The following C6orf89 variants were observed in gnomAD, a reference collection of about 807,000 sequenced individuals.
The protein encoded by C6orf89 is chromosome 6 open reading frame 89.
In C6orf89, 29 loss-of-function variants were observed where a neutral mutation model predicts 40.7. The ratio of observed to expected loss-of-function variants is 0.71; its 90% CI spans 0.53 to 0.97. The LOEUF (loss-of-function observed/expected upper bound fraction) is 0.97. C6orf89 is among the 50% of genes least tolerant of loss of function. C6orf89 has a pLI of 0.00. For missense variants in C6orf89, 392 were observed against 429.1 expected (o/e 0.91, Z 0.76); for synonymous variants, 165 against 152.2 (o/e 1.08, Z -0.62).
At chr6:36,908,283 C>T (rs901895333) in intron 4 of C6orf89, among the ~76,000 whole-genome samples, 1 of 144,520 alleles carries the variant, frequency 6.9e-6, no homozygotes, top group South Asian at 2.3e-4. Flanking sequence ...GCCTGGCCAC[C>T]TCTGCTCCTG....
chr6:36,916,712 C>G, intron 7 of C6orf89, 138 bp downstream of exon 7: 3 of 1,033,946 alleles, frequency 2.9e-6, no homozygotes, highest in East Asian at 2.6e-5. Flanking sequence ...CAGTCTAGTT[C>G]TCCCCTCCTG....
intron 3 of C6orf89, among the ~76,000 whole-genome samples, chr6:36,901,645 T>TTAG (rs1275608335): frequency 1.4e-5 from 2 of 140,198 alleles, no homozygotes; most frequent in East Asian, 4.4e-4. Flanking sequence ...CCTTTGTGTA[T>TTAG]TATTATTATT....
intron 4 of C6orf89, among the ~76,000 whole-genome samples, chr6:36,903,811 G>A (rs377263575): frequency 4.6e-5 from 7 of 152,188 alleles, no homozygotes; most frequent in African/African-American, 1.7e-4. Flanking sequence ...ATCAGAGGAA[G>A]GGAACATTGT....
At chr6:36,904,188 A>G (rs1761839362) in intron 4 of C6orf89, among the ~76,000 whole-genome samples, 1 of 152,220 alleles carries the variant, frequency 6.6e-6, no homozygotes, top group Non-Finnish European at 1.5e-5. Context: ...GTAAATCTCC[A>G]TACACGGTTG....
At chr6:36,893,322 A>G (rs189933909) in intron 1 of C6orf89, among the ~76,000 whole-genome samples, 1 of 152,088 alleles carries the variant, frequency 6.6e-6, no homozygotes, top group Admixed American at 6.5e-5. Context: ...TCCCTCTAGC[A>G]AGACAATAAA....
chr6:36,890,113 C>T (rs1168620171), intron 1 of C6orf89, among the ~76,000 whole-genome samples: 2 of 152,188 alleles, frequency 1.3e-5, no homozygotes, highest in Non-Finnish European at 2.9e-5. Context: ...TTCAAGTTTC[C>T]TCCTGCCTTC....
chr6:36,887,277 CATAAA>C (rs1355696782), intron 1 of C6orf89, among the ~76,000 whole-genome samples: 1 of 152,126 alleles, frequency 6.6e-6, no homozygotes, highest in African/African-American at 2.4e-5. Flanking sequence ...AATAATAAAA[CATAAA>C]ATGAATAAAC....
At chr6:36,904,445 T>A (rs1243868183) in intron 4 of C6orf89, among the ~76,000 whole-genome samples, 3 of 152,348 alleles carry the variant, frequency 2.0e-5, no homozygotes, top group Non-Finnish European at 4.4e-5. Context: ...GTGCTGTTTT[T>A]ACTTGTAAAT....
chr6:36,925,116 T>G lies in C6orf89; in HGVS notation c.*1675T>G, dbSNP rs961907388. On this transcript the variant is annotated 3_prime_UTR_variant, in exon 9 of 9. Transcript: ENST00000480824. ...ATGAATACAGGAACAACAAAACTTG[T>G]GTACGTATGAAAGTCATGTTGTTAA... The G allele has an allele frequency of 1.3e-5, 2 of 152,174 alleles. No homozygotes were observed. The highest frequency in any genetic ancestry group is 2.4e-5 in the African/African-American group (1 of 41,430). The allele number at this position is 152,174 out of a possible 1,614,324, so 9.4% of individuals were successfully genotyped here.
Position 36,923,703 on chromosome 6 carries a change from T to C in C6orf89, c.*262T>C. ...CCAGCACCCATCTGAGACTGACCTC[T>C]TCCGGGCCTTTGGACACTATGACCT... On this transcript the variant is annotated 3_prime_UTR_variant, in exon 9 of 9. Transcript: ENST00000480824. 1 of 450,928 alleles carries C rather than the reference T, an allele frequency of 2.2e-6. No individual in the cohort carries two copies. Among genetic ancestry groups the C allele is most frequent in the South Asian group, 2.0e-5 (1 of 50,186 alleles). 27.9% of individuals were successfully genotyped at this position (450,928 alleles called of 1,614,324 possible).
At chr6:36,905,747 G>GT (rs1385981819) in intron 4 of C6orf89, among the ~76,000 whole-genome samples, 1 of 152,024 alleles carries the variant, frequency 6.6e-6, no homozygotes, top group African/African-American at 2.4e-5. Context: ...CATCCCCTTG[G>GT]TTTTTACCAT....
At chr6:36,903,711 A>G (rs898927483) in intron 4 of C6orf89, among the ~76,000 whole-genome samples, 4 of 152,212 alleles carry the variant, frequency 2.6e-5, no homozygotes, top group African/African-American at 9.7e-5. Flanking sequence ...CTAATGAGTC[A>G]TAAAAATCAT....
intron 8 of C6orf89, among the ~76,000 whole-genome samples, chr6:36,920,268 A>G (rs1762468314): frequency 6.6e-6 from 1 of 152,220 alleles, no homozygotes; most frequent in Non-Finnish European, 1.5e-5. Flanking sequence ...ACCCTGGCTC[A>G]GTGTTTGCCC....
At chr6:36,913,940 C>A (rs760902581) in intron 4 of C6orf89, among the ~76,000 whole-genome samples, 1 of 152,070 alleles carries the variant, frequency 6.6e-6, no homozygotes, top group Non-Finnish European at 1.5e-5. Flanking sequence ...GTGGGCAGAT[C>A]ATGTGAGCCC....
intron 1 of C6orf89, among the ~76,000 whole-genome samples, chr6:36,887,770 G>A (rs989605459): frequency 6.6e-5 from 10 of 152,192 alleles, no homozygotes; most frequent in Non-Finnish European, 1.3e-4. Flanking sequence ...CCAGGTTGGA[G>A]TACAGTGGTG....
intron 1 of C6orf89, among the ~76,000 whole-genome samples, chr6:36,893,674 G>A (rs1181705053): frequency 6.6e-6 from 1 of 152,164 alleles, no homozygotes; most frequent in Non-Finnish European, 1.5e-5. Context: ...GTTCATGCCT[G>A]TAATCCCAGC....
At chr6:36,880,882 A>C (rs566229714), upstream of C6orf89, among the ~76,000 whole-genome samples, 1 of 152,262 alleles carries the variant, frequency 6.6e-6, no homozygotes, top group Non-Finnish European at 1.5e-5. Context: ...AAGTCTAAAC[A>C]TGTCACACAT....
chr6:36,877,636 G>A (rs1025949847), intron 1 of C6orf89, among the ~76,000 whole-genome samples: 1 of 152,194 alleles, frequency 6.6e-6, no homozygotes, highest in Non-Finnish European at 1.5e-5. Context: ...GCCAGTGGCT[G>A]TAGCAATTTA....
chr6:36,872,031 A>T, intron 1 of C6orf89: 1 of 618,900 alleles, frequency 1.6e-6, no homozygotes, highest in Non-Finnish European at 2.5e-6. Flanking sequence ...ACCACAATGC[A>T]AGTAACATAA....
Sources: gnomAD v4.1 joint callset for allele counts (sites outside exome capture counted in the v4.1 genomes callset) on GRCh38, gnomAD v4.1.1 for gene constraint, MANE v1.5 for transcripts, NCBI Gene and HGNC (gene_info 2026-07-23, HGNC 2026-07-21) for gene names.